TPX2: variants seen among roughly 807,000 people sequenced by gnomAD.
The protein encoded by TPX2 is TPX2 microtubule nucleation factor, also known as targeting protein for Xklp2.
In TPX2, 21 loss-of-function variants were observed where a neutral mutation model predicts 93.6. The ratio of observed to expected loss-of-function variants is 0.22; its 90% CI spans 0.16 to 0.32. The LOEUF (loss-of-function observed/expected upper bound fraction) is 0.32, where lower values mean the gene tolerates loss of function less well. TPX2 is among the 10% of genes least tolerant of loss of function. The pLI, the probability that TPX2 is intolerant of heterozygous loss-of-function variation, is 1.00. For synonymous variants in TPX2, 281 were observed against 298.3 expected (o/e 0.94, Z 0.60); for missense variants, 776 against 871.1 (o/e 0.89, Z 1.37).
chr20:31,767,346 G>A (rs181570354), intron 5 of TPX2, among the ~76,000 whole-genome samples: 1 of 151,734 alleles, frequency 6.6e-6, no homozygotes, highest in Non-Finnish European at 1.5e-5. Context: ...AAATATCTTT[G>A]TTCTTCTGTA....
chr20:31,745,026 G>A (rs951334363), intron 2 of TPX2, among the ~76,000 whole-genome samples: 2 of 152,156 alleles, frequency 1.3e-5, no homozygotes, highest in African/African-American at 4.8e-5. Flanking sequence ...GGTGGAGGTT[G>A]CAGTGAGCCG....
At chr20:31,772,146 G>A (rs766752101) in intron 7 of TPX2, among the ~76,000 whole-genome samples, 70 of 150,974 alleles carry the variant, frequency 4.6e-4, no homozygotes, top group Non-Finnish European at 8.2e-4. Context: ...TCAGCCTCCC[G>A]AGTAGCCCGG....
intron 7 of TPX2, among the ~76,000 whole-genome samples, chr20:31,773,910 T>C (rs951450058): frequency 6.6e-6 from 1 of 152,082 alleles, no homozygotes; most frequent in Non-Finnish European, 1.5e-5. Flanking sequence ...TCTCTCTTGT[T>C]GTTCAGGCTG....
chr20:31,800,437 C>A (rs1203775675), intron 17 of TPX2, among the ~76,000 whole-genome samples: 1 of 152,224 alleles, frequency 6.6e-6, no homozygotes, highest in Admixed American at 6.5e-5. Flanking sequence ...TAACTCTCTA[C>A]TAATCTGGCT....
intron 2 of TPX2, among the ~76,000 whole-genome samples, chr20:31,750,201 C>T (rs886584092): frequency 1.1e-4 from 17 of 149,846 alleles, no homozygotes; most frequent in African/African-American, 3.7e-4. Flanking sequence ...CTTGTTGCCC[C>T]GGCTGGAGTG....
At chr20:31,764,948 T>G (rs2061915034) in intron 4 of TPX2, among the ~76,000 whole-genome samples, 1 of 151,116 alleles carries the variant, frequency 6.6e-6, no homozygotes, top group Admixed American at 6.6e-5. Flanking sequence ...TCTGTTTTGT[T>G]TTTTTGTTTT....
intron 2 of TPX2, among the ~76,000 whole-genome samples, chr20:31,755,659 A>G (rs2061847480): frequency 6.6e-6 from 1 of 151,636 alleles, no homozygotes; most frequent in Admixed American, 6.6e-5. Flanking sequence ...GCTACTAGAG[A>G]CTGAGGCAGG....
At chr20:31,755,501 C>G (rs1165316697) in intron 2 of TPX2, among the ~76,000 whole-genome samples, 2 of 151,268 alleles carry the variant, frequency 1.3e-5, no homozygotes, top group African/African-American at 4.9e-5. Context: ...AATGGCTGGC[C>G]GGGCGCGGTG....
chr20:31,753,754 G>T (rs577732083), intron 2 of TPX2, among the ~76,000 whole-genome samples: 1 of 152,192 alleles, frequency 6.6e-6, no homozygotes, highest in East Asian at 1.9e-4. Context: ...GGCCGGGTGC[G>T]GTTGCTCATG....
Position 31,766,686 on chromosome 20 carries a change from A to T in TPX2, c.356+4A>T, listed in dbSNP as rs1386400522. ...AAACTCCAGCCCAGCCTCAGAGGTA[A>T]GACTTTGGAATCTCAAAGTGGTGGT... On this transcript the variant is annotated splice_donor_region_variant and intron_variant, in intron 5 of 17. Transcript: ENST00000300403. 6.2e-7 allele frequency: 1 copy of T among 1,609,756 alleles called. No individual in the cohort carries two copies. The highest frequency in any genetic ancestry group is 1.3e-5 in the African/African-American group (1 of 74,514).
chr20:31,774,540 A>G (rs562967816), intron 7 of TPX2, among the ~76,000 whole-genome samples: 20 of 152,294 alleles, frequency 1.3e-4, no homozygotes, highest in African/African-American at 4.8e-4. Context: ...ACATCATCTG[A>G]TTGAACAGTC....
At chr20:31,752,852 G>C (rs1432748494) in intron 2 of TPX2, among the ~76,000 whole-genome samples, 16 of 152,118 alleles carry the variant, frequency 1.1e-4, no homozygotes, top group Admixed American at 5.9e-4. Flanking sequence ...CTCACCCTGT[G>C]ATCCACCTGT....
intron 14 of TPX2, among the ~76,000 whole-genome samples, 171 bp from the exon 15 acceptor site, chr20:31,794,231 T>A (rs2062120848): frequency 6.6e-6 from 1 of 152,244 alleles, no homozygotes; most frequent in African/African-American, 2.4e-5. Flanking sequence ...CTGCTGGTTA[T>A]AGGCAATATT....
In TPX2 at chr20:31,793,884, G is replaced by A. The variant is rs1333514303; in HGVS notation, c.1546G>A (p.Val516Met). 1 of 1,612,086 alleles carries A rather than the reference G, an allele frequency of 6.2e-7. No individual in the cohort carries two copies. The highest frequency in any genetic ancestry group is 1.1e-5 in the South Asian group (1 of 90,858). ...ACCGGTAGTGATAAAAGCTCAACCT[G>A]TGCCACATTATGGGGTGCCTTTTAA... ...DEPVVIKAQP[V>M]PHYGVPFKPQ... The change falls in exon 14 of 18, where the codon GTG (valine) becomes ATG (methionine). Residue 516 changes from valine to methionine, a missense_variant. Coordinates refer to ENST00000300403, the MANE Select transcript of TPX2 (RefSeq NM_012112.5).
intron 2 of TPX2, among the ~76,000 whole-genome samples, chr20:31,748,909 G>T (rs1026756495): frequency 6.6e-6 from 1 of 151,768 alleles, no homozygotes; most frequent in Non-Finnish European, 1.5e-5. Context: ...ATTATCTCTT[G>T]CTCCATGACA....
intron 17 of TPX2, among the ~76,000 whole-genome samples, chr20:31,800,053 C>T (rs1448071605): frequency 2.6e-5 from 4 of 151,936 alleles, no homozygotes; most frequent in African/African-American, 4.8e-5. Context: ...TCAAGAAAAG[C>T]GTGGGCAACA....
chr20:31,794,449 C>T lies in TPX2; in HGVS notation c.1734C>T (p.Asn578=). Residue 578 remains asparagine (N), a synonymous_variant, in exon 15 of 18, where the codon AAC becomes AAT. Transcript: ENST00000300403. The stretch of plus-strand genomic sequence containing the variant: ...CCTTGCCTCATTTTGACACCATTAA[C>T]CTGCCAGAGAAGAAGGTAAAGAATG... The part of the protein sequence containing the change: ...ALPLPHFDTI[N]LPEKKVKNVT... 1 of 1,614,142 alleles carries T rather than the reference C, an allele frequency of 6.2e-7. No individual in the cohort carries two copies. Among genetic ancestry groups the T allele is most frequent in the African/African-American group, 1.3e-5 (1 of 75,040 alleles).
At chr20:31,750,590 C>T (rs555987974) in intron 2 of TPX2, among the ~76,000 whole-genome samples, 14 of 151,998 alleles carry the variant, frequency 9.2e-5, no homozygotes, top group Middle Eastern at 6.8e-3. Flanking sequence ...CTCAGCCTCC[C>T]GAGTAGCTGG....
intron 10 of TPX2, among the ~76,000 whole-genome samples, chr20:31,781,428 G>A (rs1431248626): frequency 6.6e-6 from 1 of 151,384 alleles, no homozygotes; most frequent in African/African-American, 2.4e-5. Flanking sequence ...ACCACGCCCG[G>A]TTAATTTTTT....
Sources: allele counts gnomAD v4.1 joint callset (sites outside exome capture counted in the v4.1 genomes callset), GRCh38; gene constraint gnomAD v4.1.1; transcripts MANE v1.5; gene names NCBI Gene and HGNC (gene_info 2026-07-23, HGNC 2026-07-21).